The following RPS6KA3 variants were observed in gnomAD, a reference collection of about 807,000 sequenced individuals.
The protein encoded by RPS6KA3 is ribosomal protein S6 kinase alpha-3.
RPS6KA3 carries 4 observed loss-of-function variants against 67.2 expected under a neutral mutation model. The observed-to-expected ratio is 0.06, with a 90% CI of 0.03 to 0.14. The LOEUF (loss-of-function observed/expected upper bound fraction) is 0.14, where lower values mean the gene tolerates loss of function less well. Ranked by LOEUF, RPS6KA3 falls within the 10% of genes least tolerant of loss-of-function variation. The pLI is 1.00. For missense variants in RPS6KA3, 204 were observed against 559.0 expected (o/e 0.36, Z 6.40); for synonymous variants, 182 against 183.7 (o/e 0.99, Z 0.07).
chrX:20,213,759 C>T (rs767601369), intron 2 of RPS6KA3, among the ~76,000 whole-genome samples: 1 of 109,312 alleles, frequency 9.1e-6, no homozygotes, highest in Admixed American at 9.7e-5. Context: ...ATTAACATTT[C>T]CTCCTGCAGC....
At chrX:20,254,836 T>C in intron 1 of RPS6KA3, among the ~76,000 whole-genome samples, 1 of 111,536 alleles carries the variant, frequency 9.0e-6, no homozygotes, top group Non-Finnish European at 1.9e-5. Flanking sequence ...AAGACAATAA[T>C]AAGTGATGGC....
chrX:20,224,126 C>T (rs1370832657), intron 2 of RPS6KA3, among the ~76,000 whole-genome samples: 2 of 111,564 alleles, frequency 1.8e-5, no homozygotes, highest in Non-Finnish European at 3.8e-5. Context: ...ATGAAACAGA[C>T]TAAGGCTTAA....
intron 11 of RPS6KA3, 56 bp downstream of exon 11, chrX:20,176,940 G>A (rs914397554): frequency 3.4e-6 from 3 of 878,951 alleles, no homozygotes; most frequent in South Asian, 2.0e-5. Flanking sequence ...TCTACTCCCC[G>A]CTAAAAACAA....
At position 20,184,886 on chromosome X, in the gene RPS6KA3, T is replaced by C. The variant is rs192473970; in HGVS notation, c.845+1410A>G. Among the ~76,000 whole-genome samples, 33 of 112,289 alleles carry C rather than the reference T, an allele frequency of 2.9e-4. No homozygotes were observed. In the Admixed American group the frequency reaches 2.9e-3, roughly 10 times the overall value. ...CACAGAGGTCTTACACAACTTCTGC[T>C]AGATTTATCACTAGGTATCTGAGAA... On this transcript the variant is annotated intron_variant, in intron 10 of 21. Coordinates refer to ENST00000379565, the MANE Select transcript of RPS6KA3 (RefSeq NM_004586.3).
intron 1 of RPS6KA3, among the ~76,000 whole-genome samples, chrX:20,237,829 T>C (rs1008910739): frequency 4.5e-5 from 5 of 111,524 alleles, no homozygotes; most frequent in African/African-American, 1.6e-4. Flanking sequence ...ACACATAATA[T>C]GTTTCAACTC....
intron 1 of RPS6KA3, among the ~76,000 whole-genome samples, chrX:20,264,857 T>C (rs923475400): frequency 9.8e-5 from 11 of 112,398 alleles, no homozygotes; most frequent in African/African-American, 1.6e-4. Flanking sequence ...TTTGCGAACA[T>C]TTTATTAACC....
At chrX:20,248,087 C>T (rs995801966) in intron 1 of RPS6KA3, among the ~76,000 whole-genome samples, 1 of 111,712 alleles carries the variant, frequency 9.0e-6, no homozygotes, top group African/African-American at 3.3e-5. Context: ...GTTTATGGCT[C>T]CTAAACAGGA....
At chrX:20,171,907 A>C (rs2067583019) in intron 15 of RPS6KA3, among the ~76,000 whole-genome samples, 1 of 112,526 alleles carries the variant, frequency 8.9e-6, no homozygotes, top group Non-Finnish European at 1.9e-5. Context: ...CTTTAAAATT[A>C]GCTTTATTGT....
At chrX:20,164,649 T>C (rs1303679721) in intron 18 of RPS6KA3, among the ~76,000 whole-genome samples, 1 of 110,849 alleles carries the variant, frequency 9.0e-6, no homozygotes, top group African/African-American at 3.3e-5. Context: ...CCTCCCAAAG[T>C]GCTCGGATTA....
In RPS6KA3 at chrX:20,176,400, A is replaced by G. The variant is rs1318586973; in HGVS notation, c.999+34T>C. 5 of 1,126,901 alleles carry G rather than the reference A, an allele frequency of 4.4e-6. No homozygotes were observed. The East Asian group carries it at 1.5e-4, about 34-fold the overall frequency. The allele number at this position is 1,126,901 out of a possible 1,213,427, so 92.9% of individuals were successfully genotyped here. On this transcript the variant is annotated intron_variant, in intron 12 of 21. Transcript: ENST00000379565. The stretch of plus-strand genomic sequence containing the variant: ...ACTTAGACATATTTTAATTATAAAG[A>G]AATATTTCAAGCAAGTTTTCATTCT...
intron 1 of RPS6KA3, among the ~76,000 whole-genome samples, chrX:20,248,101 C>T (rs1029000272): frequency 1.8e-5 from 2 of 111,805 alleles, no homozygotes; most frequent in African/African-American, 6.5e-5. Context: ...AACAGGAAAG[C>T]TGTTTGTTGA....
intron 1 of RPS6KA3, among the ~76,000 whole-genome samples, chrX:20,261,574 CAAAA>C (rs2070231404): frequency 8.9e-6 from 1 of 111,974 alleles, no homozygotes; most frequent in African/African-American, 3.2e-5. Flanking sequence ...GATAAACTGT[CAAAA>C]AATAAATAGG....
intron 1 of RPS6KA3, 63 bp from the exon 2 acceptor site, chrX:20,234,877 G>T: frequency 1.2e-6 from 1 of 852,080 alleles, no homozygotes; most frequent in Non-Finnish European, 1.7e-6. Context: ...AAAGTTAAAT[G>T]AAGGCAGACA....
chrX:20,174,845 C>T (rs1482539080), intron 14 of RPS6KA3, among the ~76,000 whole-genome samples: 1 of 111,865 alleles, frequency 8.9e-6, no homozygotes, highest in Non-Finnish European at 1.9e-5. Context: ...ACCTCTGCCT[C>T]AGAATCAAGT....
At chrX:20,170,198 C>T (rs1225727740) in intron 15 of RPS6KA3, among the ~76,000 whole-genome samples, 2 of 111,868 alleles carry the variant, frequency 1.8e-5, no homozygotes, top group East Asian at 5.6e-4. Context: ...TTAATCTGCT[C>T]AACTAATATT....
chrX:20,211,666 T>C (rs1339282868), intron 2 of RPS6KA3, among the ~76,000 whole-genome samples: 4 of 111,585 alleles, frequency 3.6e-5, no homozygotes, highest in Non-Finnish European at 7.5e-5. Flanking sequence ...TCTTTTTCTA[T>C]ACCCCAAAGT....
chrX:20,170,816 T>C (rs1036763306), intron 15 of RPS6KA3, among the ~76,000 whole-genome samples: 1 of 110,700 alleles, frequency 9.0e-6, no homozygotes, highest in Non-Finnish European at 1.9e-5. Context: ...TCTGGCTATG[T>C]TGCCAAGGCT....
chrX:20,228,325 G>C (rs765529170), intron 2 of RPS6KA3, among the ~76,000 whole-genome samples: 1 of 111,860 alleles, frequency 8.9e-6, no homozygotes, highest in Non-Finnish European at 1.9e-5. Context: ...AGGTTAACTA[G>C]CCAACCAGGC....
Position 20,171,681 on chromosome X carries a change from C to A in RPS6KA3, c.1353+1065G>T, listed in dbSNP as rs373112640. Reference sequence around the variant, plus strand: ...TTTTTGAGGTTTTAGGCATAGTCCTCAAGGTTTCTGTAATTCAAAGGGGCC... The same window carrying A: ...TTTTTGAGGTTTTAGGCATAGTCCTAAAGGTTTCTGTAATTCAAAGGGGCC... On this transcript the variant is annotated intron_variant, in intron 15 of 21. Transcript: ENST00000379565. 2.1e-4 allele frequency among the ~76,000 whole-genome samples: 23 copies of A among 111,531 alleles called. No homozygotes were observed. In the South Asian group the frequency reaches 4.9e-3, roughly 24 times the overall value.
Sources: allele counts gnomAD v4.1 joint callset (sites outside exome capture counted in the v4.1 genomes callset), GRCh38; gene constraint gnomAD v4.1.1; transcripts MANE v1.5; gene names NCBI Gene and HGNC (gene_info 2026-07-23, HGNC 2026-07-21).